GABRB2: variants seen among roughly 807,000 people sequenced by gnomAD.
GABRB2 encodes the protein gamma-aminobutyric acid receptor subunit beta-2.
A neutral mutation model predicts 54.7 loss-of-function variants in GABRB2; 16 were observed. That is an observed-to-expected ratio of 0.29 (90% confidence interval 0.20 to 0.44). The LOEUF (loss-of-function observed/expected upper bound fraction) is 0.44. Ranked by LOEUF, GABRB2 falls within the 20% of genes least tolerant of loss-of-function variation. The probability of loss-of-function intolerance (pLI) is 1.00; values close to 1 mark genes in which losing one functional copy is unlikely to be tolerated. For missense variants in GABRB2, 355 were observed against 644.0 expected (o/e 0.55, Z 4.86); for synonymous variants, 244 against 233.8 (o/e 1.04, Z -0.40).
At chr5:161,349,753 A>G (rs1368531434) in intron 5 of GABRB2, among the ~76,000 whole-genome samples, 1 of 152,094 alleles carries the variant, frequency 6.6e-6, no homozygotes, top group Non-Finnish European at 1.5e-5. Flanking sequence ...GCCCTTTTCC[A>G]ACAGCCTGCA....
At chr5:161,459,491 G>T (rs1758057140) in intron 4 of GABRB2, 133 bp downstream of exon 4, 5 of 747,466 alleles carry the variant, frequency 6.7e-6, no homozygotes, top group African/African-American at 1.7e-5. Flanking sequence ...CAAATGTCTA[G>T]TGGATAGGAG....
At chr5:161,384,898 T>C (rs1438399436) in intron 5 of GABRB2, among the ~76,000 whole-genome samples, 1 of 152,170 alleles carries the variant, frequency 6.6e-6, no homozygotes, top group Non-Finnish European at 1.5e-5. Context: ...AGAAATGATG[T>C]AAGAATGAGA....
intron 4 of GABRB2, among the ~76,000 whole-genome samples, chr5:161,417,410 T>C (rs1052023111): frequency 2.0e-5 from 3 of 152,192 alleles, no homozygotes; most frequent in Non-Finnish European, 4.4e-5. Flanking sequence ...AGAGTGATTT[T>C]CCCCAAGAGT....
chr5:161,505,121 T>TTTTG, intron 3 of GABRB2, among the ~76,000 whole-genome samples: 1 of 151,604 alleles, frequency 6.6e-6, no homozygotes, highest in Admixed American at 6.6e-5. Flanking sequence ...TTTTTTTTTT[T>TTTTG]TTTGTTTGTT....
intron 3 of GABRB2, among the ~76,000 whole-genome samples, chr5:161,486,023 C>T (rs1758912820): frequency 1.3e-5 from 2 of 151,794 alleles, no homozygotes; most frequent in South Asian, 4.1e-4. Flanking sequence ...CAAAATAACC[C>T]CTTGTTATTT....
In GABRB2 at chr5:161,442,092, A is replaced by G. The variant is rs573625128; in HGVS notation, c.458+17532T>C. Among the ~76,000 whole-genome samples the G allele has an allele frequency of 2.0e-5, 3 of 152,290 alleles. No homozygotes were observed. The East Asian group carries it at 5.8e-4, about 29-fold the overall frequency. On this transcript the variant is annotated intron_variant, in intron 4 of 9. Coordinates refer to ENST00000393959, the MANE Select transcript of GABRB2 (RefSeq NM_001371727.1). ...AATTGTACATTTTAAAATAACTTAA[A>G]CAATGTAATTGGATTGCTTGTATCT...
chr5:161,412,694 C>T (rs868776815), intron 4 of GABRB2, among the ~76,000 whole-genome samples: 7 of 152,088 alleles, frequency 4.6e-5, no homozygotes, highest in African/African-American at 1.4e-4. Context: ...CAATATCTTT[C>T]GGCCTTCTTA....
chr5:161,463,580 T>C (rs1397663321), intron 3 of GABRB2, among the ~76,000 whole-genome samples: 1 of 125,522 alleles, frequency 8.0e-6, no homozygotes, highest in Non-Finnish European at 1.7e-5. Flanking sequence ...TATATATATA[T>C]ATATATATAT....
At chr5:161,295,326 T>A (rs1471247008) in intron 9 of GABRB2, among the ~76,000 whole-genome samples, 3 of 152,208 alleles carry the variant, frequency 2.0e-5, no homozygotes, top group African/African-American at 4.8e-5. Context: ...TAAATAGATA[T>A]CATGATTCCC....
At position 161,372,258 on chromosome 5, in the gene GABRB2, C is replaced by T. The variant is rs576191392; in HGVS notation, c.542-35489G>A. On this transcript the variant is annotated intron_variant, in intron 5 of 9. Coordinates refer to ENST00000393959, the MANE Select transcript of GABRB2 (RefSeq NM_001371727.1). The stretch of plus-strand genomic sequence containing the variant: ...TCTTTGAAAAATTAGGAAGTGTGGA[C>T]CCACTGGGGCTGCATCCCTGAAAAG... 2.0e-5 allele frequency among the ~76,000 whole-genome samples: 3 copies of T among 152,206 alleles called. No individual in the cohort carries two copies. In the South Asian group the frequency reaches 6.2e-4, roughly 32 times the overall value.
At chr5:161,403,067 C>T in intron 5 of GABRB2, among the ~76,000 whole-genome samples, 1 of 152,064 alleles carries the variant, frequency 6.6e-6, no homozygotes, top group East Asian at 1.9e-4. Context: ...CATGGATCTG[C>T]CAGACTGGTT....
chr5:161,502,434 A>G (rs1759475735), intron 3 of GABRB2, among the ~76,000 whole-genome samples: 1 of 152,168 alleles, frequency 6.6e-6, no homozygotes, highest in Non-Finnish European at 1.5e-5. Context: ...TGGATGAGCA[A>G]TACGAGATGA....
At chr5:161,486,148 C>T (rs1192740154) in intron 3 of GABRB2, among the ~76,000 whole-genome samples, 6 of 151,788 alleles carry the variant, frequency 4.0e-5, no homozygotes, top group South Asian at 2.1e-4. Context: ...CTTATGGTTA[C>T]GGTAGTCACA....
intron 3 of GABRB2, among the ~76,000 whole-genome samples, chr5:161,476,270 T>C (rs913802976): frequency 1.3e-5 from 2 of 151,880 alleles, no homozygotes; most frequent in African/African-American, 2.4e-5. Context: ...AACTGTAATA[T>C]GTGATAAAGA....
At chr5:161,356,580 T>C (rs919833020) in intron 5 of GABRB2, among the ~76,000 whole-genome samples, 2 of 152,144 alleles carry the variant, frequency 1.3e-5, no homozygotes, top group Non-Finnish European at 2.9e-5. Context: ...AGTCAGTTCA[T>C]TCATCATTAG....
intron 8 of GABRB2, among the ~76,000 whole-genome samples, chr5:161,328,432 C>T (rs534559092): frequency 1.7e-4 from 26 of 152,138 alleles, no homozygotes; most frequent in Non-Finnish European, 3.2e-4. Context: ...CAATTATGTT[C>T]ATGAGTAACT....
chr5:161,427,843 A>AT (rs1235152215), intron 4 of GABRB2, among the ~76,000 whole-genome samples: 1 of 152,168 alleles, frequency 6.6e-6, no homozygotes, highest in African/African-American at 2.4e-5. Flanking sequence ...GTTGGTTACA[A>AT]TTTTCATGCC....
intron 3 of GABRB2, among the ~76,000 whole-genome samples, chr5:161,476,772 C>T (rs1013677933): frequency 4.6e-5 from 7 of 151,740 alleles, no homozygotes; most frequent in African/African-American, 1.7e-4. Context: ...TTATTTTATA[C>T]CATATATAAA....
intron 3 of GABRB2, among the ~76,000 whole-genome samples, chr5:161,536,235 C>T (rs1760630557): frequency 6.6e-6 from 1 of 151,936 alleles, no homozygotes; most frequent in East Asian, 1.9e-4. Flanking sequence ...ATGTTGAGCG[C>T]TGTACGAAAG....
Sources: gnomAD v4.1 joint callset for allele counts (sites outside exome capture counted in the v4.1 genomes callset) on GRCh38, gnomAD v4.1.1 for gene constraint, MANE v1.5 for transcripts, NCBI Gene and HGNC (gene_info 2026-07-23, HGNC 2026-07-21) for gene names.